RANBP2: variants seen among roughly 807,000 people sequenced by gnomAD.
The protein encoded by RANBP2 is E3 SUMO-protein ligase RanBP2.
In RANBP2, 57 loss-of-function variants were observed where a neutral mutation model predicts 303.6. The ratio of observed to expected loss-of-function variants is 0.19; its 90% CI spans 0.15 to 0.23. RANBP2 has a LOEUF of 0.23. RANBP2 is among the 10% of genes least tolerant of loss of function. RANBP2 has a pLI of 1.00. For synonymous variants in RANBP2, 1,167 were observed against 1,301.5 expected (o/e 0.90, Z 2.23); for missense variants, 3,138 against 3,780.8 (o/e 0.83, Z 4.46).
the RANBP2 span, among the ~76,000 whole-genome samples, chr2:109,052,129 C>T: frequency 6.6e-6 from 1 of 152,198 alleles, no homozygotes; most frequent in Non-Finnish European, 1.5e-5. Context: ...AGGTAAATAA[C>T]AGAATGAAAG....
the RANBP2 span, among the ~76,000 whole-genome samples, chr2:109,628,942 G>A: frequency 3.3e-5 from 5 of 152,068 alleles, no homozygotes; most frequent in South Asian, 2.1e-4. Flanking sequence ...AGTGGCTCAC[G>A]CCTGTAATCC....
chr2:109,630,188 A>G, the RANBP2 span, among the ~76,000 whole-genome samples: 2 of 152,126 alleles, frequency 1.3e-5, no homozygotes, highest in Non-Finnish European at 2.9e-5. Context: ...ATGTGCACAT[A>G]TATATATATT....
the RANBP2 span, among the ~76,000 whole-genome samples, chr2:109,480,727 C>T: frequency 6.6e-6 from 1 of 152,084 alleles, no homozygotes; most frequent in Admixed American, 6.5e-5. Context: ...TGGCCTCATT[C>T]CCCTCCTCTC....
the RANBP2 span, among the ~76,000 whole-genome samples, chr2:109,300,504 A>G: frequency 6.6e-6 from 1 of 152,140 alleles, no homozygotes; most frequent in Admixed American, 6.5e-5. Context: ...TATACCAGGT[A>G]AGCCCTTGAG....
At chr2:109,008,553 G>A in the RANBP2 span, among the ~76,000 whole-genome samples, 1 of 150,880 alleles carries the variant, frequency 6.6e-6, no homozygotes, top group Non-Finnish European at 1.5e-5. Context: ...TCAGAATGTG[G>A]TGCTAATGAA....
chr2:109,143,114 AC>A, the RANBP2 span, among the ~76,000 whole-genome samples: 1 of 152,166 alleles, frequency 6.6e-6, no homozygotes. Flanking sequence ...CCACAAGGTA[AC>A]CTCAGGAGGA....
the RANBP2 span, among the ~76,000 whole-genome samples, chr2:108,837,409 T>C: frequency 6.6e-6 from 1 of 152,226 alleles, no homozygotes; most frequent in Non-Finnish European, 1.5e-5. Flanking sequence ...TATAATCCCT[T>C]TTAATATACC....
chr2:108,930,139 G>T, the RANBP2 span: 3 of 1,613,872 alleles, frequency 1.9e-6, no homozygotes, highest in Admixed American at 5.0e-5. Flanking sequence ...CTCCTCTCCC[G>T]GCCCACACGG....
At chr2:109,484,020 C>T in the RANBP2 span, among the ~76,000 whole-genome samples, 1 of 152,008 alleles carries the variant, frequency 6.6e-6, no homozygotes, top group African/African-American at 2.4e-5. Flanking sequence ...ACCCCAGCCT[C>T]CTCAGTTGGC....
chr2:109,369,781 A>G, the RANBP2 span, among the ~76,000 whole-genome samples: 1 of 151,560 alleles, frequency 6.6e-6, no homozygotes, highest in African/African-American at 2.4e-5. Flanking sequence ...TGGACACCAA[A>G]CCCTACGGCC....
At chr2:109,614,681 C>T in the RANBP2 span, 1 of 1,487,386 alleles carries the variant, frequency 6.7e-7, no homozygotes, top group Non-Finnish European at 8.9e-7. Context: ...ACGCCGTGGC[C>T]ACTGTGCGCG....
chr2:109,074,162 T>A, the RANBP2 span, among the ~76,000 whole-genome samples: 2 of 149,424 alleles, frequency 1.3e-5, no homozygotes, highest in South Asian at 2.1e-4. Flanking sequence ...AGGTCAGGAG[T>A]TTGAGACCAA....
the RANBP2 span, among the ~76,000 whole-genome samples, chr2:109,496,061 C>T: frequency 6.6e-6 from 1 of 152,134 alleles, no homozygotes; most frequent in South Asian, 2.1e-4. Flanking sequence ...ACCGGGTTGC[C>T]CTGGGGTGGC....
chr2:109,505,517 A>T, the RANBP2 span, among the ~76,000 whole-genome samples: 9,776 of 152,144 alleles, frequency 0.064, 333 homozygotes, highest in South Asian at 0.073. Flanking sequence ...AAATAAAATA[A>T]TTTTTTTTAA....
At chr2:108,849,033 G>A in the RANBP2 span, among the ~76,000 whole-genome samples, 2 of 152,136 alleles carry the variant, frequency 1.3e-5, no homozygotes, top group South Asian at 4.2e-4. Flanking sequence ...GGAAGATACG[G>A]GATAAAAAGA....
At chr2:109,414,617 C>T in the RANBP2 span, among the ~76,000 whole-genome samples, 3 of 152,288 alleles carry the variant, frequency 2.0e-5, no homozygotes, top group East Asian at 1.9e-4. Context: ...ATCAGCTATA[C>T]ATACATGACC....
At chr2:108,740,220 A>G (rs531659940) in intron 6 of RANBP2, among the ~76,000 whole-genome samples, 1 of 152,296 alleles carries the variant, frequency 6.6e-6, no homozygotes, top group East Asian at 1.9e-4. Context: ...TGCACCTATA[A>G]TCACTGATCT....
At chr2:109,288,956 A>G in the RANBP2 span, among the ~76,000 whole-genome samples, 1 of 152,166 alleles carries the variant, frequency 6.6e-6, no homozygotes, top group Non-Finnish European at 1.5e-5. Context: ...TAAATTGACA[A>G]ATTTATTTGT....
the RANBP2 span, among the ~76,000 whole-genome samples, chr2:109,199,607 T>TCAACCCGAGTGCAGG: frequency 3.6e-3 from 1 of 276 alleles, no homozygotes; most frequent in Non-Finnish European, 6.9e-3. Flanking sequence ...TGGAATGGAA[T>TCAACCCGAGTGCAGG]GGAATGGAAT....
Sources: gnomAD v4.1 joint callset for allele counts (sites outside exome capture counted in the v4.1 genomes callset) on GRCh38, gnomAD v4.1.1 for gene constraint, MANE v1.5 for transcripts, NCBI Gene and HGNC (gene_info 2026-07-23, HGNC 2026-07-21) for gene names.